CUBN: variants seen among roughly 807,000 people sequenced by gnomAD.
CUBN encodes 460 kDa receptor.
A neutral mutation model predicts 405.3 loss-of-function variants in CUBN; 282 were observed. The observed-to-expected ratio is 0.70, with a 90% CI of 0.63 to 0.77. The LOEUF (loss-of-function observed/expected upper bound fraction) is 0.77. Among genes scored for constraint, CUBN ranks in the 30% least tolerant of loss-of-function variants. CUBN has a pLI of 0.00. For missense variants in CUBN, 4,514 were observed against 4,475.2 expected, an observed-to-expected ratio of 1.01 and a Z score of -0.25; for synonymous variants, 1,684 against 1,617.0, an observed-to-expected ratio of 1.04 and a Z score of -0.99.
intron 22 of CUBN, among the ~76,000 whole-genome samples, chr10:17,064,084 G>A (rs1588619707): frequency 6.6e-6 from 1 of 152,204 alleles, no homozygotes; most frequent in African/African-American, 2.4e-5. Context: ...CAGTGAATAC[G>A]TCAATCACAC....
At chr10:17,124,670 C>T (rs990046779) in intron 4 of CUBN, among the ~76,000 whole-genome samples, 6 of 152,102 alleles carry the variant, frequency 3.9e-5, no homozygotes, top group Non-Finnish European at 7.4e-5. Flanking sequence ...CCTCGTGATC[C>T]GCCCGCCTCA....
intron 12 of CUBN, 47 bp from the exon 13 acceptor site, chr10:17,103,284 A>G (rs1378631112): frequency 8.2e-7 from 1 of 1,224,440 alleles, no homozygotes; most frequent in East Asian, 2.3e-5. Context: ...TCCTAAAAGG[A>G]AGAGGTTGGG....
intron 24 of CUBN, among the ~76,000 whole-genome samples, chr10:17,045,727 C>A (rs1445784359): frequency 1.3e-5 from 2 of 152,084 alleles, no homozygotes; most frequent in Non-Finnish European, 2.9e-5. Context: ...AACCAGGATT[C>A]TTATTTATTG....
intron 22 of CUBN, among the ~76,000 whole-genome samples, chr10:17,048,424 T>C: frequency 6.6e-6 from 1 of 152,088 alleles, no homozygotes; most frequent in Admixed American, 6.5e-5. Context: ...CTCAATCTCC[T>C]ATGCCCTCCA....
intron 28 of CUBN, among the ~76,000 whole-genome samples, chr10:17,012,144 G>A (rs915890718): frequency 2.0e-5 from 3 of 152,178 alleles, no homozygotes; most frequent in African/African-American, 7.2e-5. Context: ...CCATTTGTAA[G>A]ACCATCTGTA....
At chr10:16,900,232 C>T (rs529168172) in intron 53 of CUBN, among the ~76,000 whole-genome samples, 2 of 152,332 alleles carry the variant, frequency 1.3e-5, no homozygotes, top group African/African-American at 4.8e-5. Context: ...CTTTTAGGCT[C>T]CAGATATTTT....
At position 16,901,441 on chromosome 10, in the gene CUBN, A is replaced by G. The variant is rs1488491129; in HGVS notation, c.8081T>C (p.Ile2694Thr). ...YSFTDCGGIQ[I>T]GDSGVITSPN... is the part of the protein sequence containing the mutation. ...GCTTGTGATCACTCCACTGTCACCTATCTGTATTCCGCCACAATCTGAAAT... is the reference window on the plus strand; with the variant it reads ...GCTTGTGATCACTCCACTGTCACCTGTCTGTATTCCGCCACAATCTGAAAT... The change falls in exon 52 of 67, where the codon ATA (isoleucine) becomes ACA (threonine). Residue 2694 changes from isoleucine to threonine, a missense_variant. Coordinates refer to ENST00000377833, the MANE Select transcript of CUBN (RefSeq NM_001081.4). The G allele has an allele frequency of 4.3e-6, 7 of 1,614,058 alleles. No individual in the cohort carries two copies. The East Asian group carries it at 8.9e-5, about 21-fold the overall frequency.
chr10:16,852,048 C>G (rs1307157278), intron 59 of CUBN, among the ~76,000 whole-genome samples: 1 of 109,038 alleles, frequency 9.2e-6, no homozygotes, highest in African/African-American at 3.6e-5. Flanking sequence ...CTCTATCTTT[C>G]CCTCCCTCCA....
intron 27 of CUBN, among the ~76,000 whole-genome samples, chr10:17,035,975 T>C (rs1216572419): frequency 6.6e-6 from 1 of 151,868 alleles, no homozygotes; most frequent in African/African-American, 2.4e-5. Flanking sequence ...AGGGTATGTG[T>C]ACTACTATCA....
intron 54 of CUBN, among the ~76,000 whole-genome samples, chr10:16,893,055 T>G (rs984489792): frequency 6.6e-6 from 1 of 152,206 alleles, no homozygotes; most frequent in Non-Finnish European, 1.5e-5. Flanking sequence ...ACTCATTTCA[T>G]TGGCTATATG....
chr10:16,926,922 G>T (rs1172616866), intron 41 of CUBN, among the ~76,000 whole-genome samples: 2 of 151,590 alleles, frequency 1.3e-5, no homozygotes, highest in African/African-American at 4.9e-5. Context: ...TAGTGCACTG[G>T]TTCCCTGACT....
At chr10:17,032,870 C>T (rs934021923) in intron 27 of CUBN, among the ~76,000 whole-genome samples, 1 of 152,282 alleles carries the variant, frequency 6.6e-6, no homozygotes, top group Middle Eastern at 3.4e-3. Context: ...TTCTATCTAT[C>T]AGGCTATATT....
intron 41 of CUBN, among the ~76,000 whole-genome samples, chr10:16,926,823 C>CTATCTATT: frequency 6.6e-6 from 1 of 151,556 alleles, no homozygotes; most frequent in African/African-American, 2.4e-5. Flanking sequence ...ATCTATCTAT[C>CTATCTATT]TATCTATCTA....
chr10:16,960,184 AAC>A (rs1362537474), intron 31 of CUBN, among the ~76,000 whole-genome samples: 1 of 152,198 alleles, frequency 6.6e-6, no homozygotes, highest in Non-Finnish European at 1.5e-5. Flanking sequence ...CCAAGATACT[AAC>A]ACACATATTC....
At chr10:16,970,932 T>A (rs1230711746) in intron 31 of CUBN, among the ~76,000 whole-genome samples, 5 of 152,192 alleles carry the variant, frequency 3.3e-5, no homozygotes, top group Non-Finnish European at 5.9e-5. Context: ...TCTATGTATC[T>A]ATAGGTTTAT....
intron 6 of CUBN, among the ~76,000 whole-genome samples, chr10:17,119,553 G>A (rs1003100941): frequency 3.3e-5 from 5 of 152,138 alleles, no homozygotes; most frequent in Admixed American, 6.5e-5. Flanking sequence ...CCAGCTACTC[G>A]GGAGGCTGAG....
At chr10:16,846,594 C>G (rs958125542) in intron 60 of CUBN, among the ~76,000 whole-genome samples, 1 of 151,772 alleles carries the variant, frequency 6.6e-6, no homozygotes, top group African/African-American at 2.4e-5. Flanking sequence ...GGTGGATCAC[C>G]TAAGGTCAGG....
intron 28 of CUBN, among the ~76,000 whole-genome samples, chr10:17,019,614 A>T (rs1185096395): frequency 1.3e-5 from 2 of 152,128 alleles, no homozygotes; most frequent in African/African-American, 4.8e-5. Flanking sequence ...AATTAACCAA[A>T]TTCTTTCCAC....
At chr10:16,850,338 G>A (rs1209488612) in intron 60 of CUBN, among the ~76,000 whole-genome samples, 1 of 152,130 alleles carries the variant, frequency 6.6e-6, no homozygotes, top group Non-Finnish European at 1.5e-5. Flanking sequence ...TTTCCCCTGA[G>A]AGTGCAGTAG....
Sources: gnomAD v4.1 joint callset for allele counts (sites outside exome capture counted in the v4.1 genomes callset) on GRCh38, gnomAD v4.1.1 for gene constraint, MANE v1.5 for transcripts, NCBI Gene and HGNC (gene_info 2026-07-23, HGNC 2026-07-21) for gene names.